Variants in SEMA3B observed in about 807,000 individuals in gnomAD.
The protein encoded by SEMA3B is semaphorin-3B.
A neutral mutation model predicts 77.8 loss-of-function variants in SEMA3B; 71 were observed. The observed-to-expected ratio is 0.91, with a 90% CI of 0.75 to 1.11. SEMA3B has a LOEUF of 1.11. SEMA3B is among the 50% of genes most tolerant of loss of function. The pLI is 0.00. For missense variants in SEMA3B, 968 were observed against 1,056.8 expected, an observed-to-expected ratio of 0.92 and a Z score of 1.17; for synonymous variants, 470 against 452.9, an observed-to-expected ratio of 1.04 and a Z score of -0.48.
Position 50,274,282 on chromosome 3 carries a change from C to A in SEMA3B, c.1138-81C>A. 7.9e-7 allele frequency: 1 copy of A among 1,266,774 alleles called. No homozygotes were observed. Among genetic ancestry groups the A allele is most frequent in the Non-Finnish European group, 1.1e-6 (1 of 918,216 alleles). 78.5% of individuals were successfully genotyped at this position (1,266,774 alleles called of 1,614,324 possible). A position where few individuals can be genotyped will look rare whatever the true frequency, so the allele number is the denominator to read the frequency against. On this transcript the variant is annotated intron_variant, in intron 10 of 16. Coordinates refer to ENST00000616701, the MANE Select transcript of SEMA3B (RefSeq NM_001290060.2). The surrounding 1 kb of genome is among the most constrained non-coding windows in gnomAD (Gnocchi z 4.7). ...TTCTGTCCCCATCCCCCTCCATGTT[C>A]CCAGAGGCTGGGCATGGAGGGCTGC...
chr3:50,271,821 C>G (rs1701063359), intron 6 of SEMA3B, among the ~76,000 whole-genome samples: 1 of 152,146 alleles, frequency 6.6e-6, no homozygotes, highest in South Asian at 2.1e-4. Context: ...AGACAGCTAG[C>G]CAGCAAAATT....
Position 50,275,509 on chromosome 3 carries a change from A to C in SEMA3B, c.1649+50A>C. ...CCGGGAGGGAGGCGAAGGGTCTTTC[A>C]CTGCCCGGGGCTGAAAGAAGGGCTC... On this transcript the variant is annotated intron_variant, in intron 14 of 16. Transcript: ENST00000616701. This position sits in a 1 kb window ranked among gnomAD's most constrained non-coding sequence, Gnocchi z 7.5. 6.2e-7 allele frequency: 1 copy of C among 1,612,632 alleles called. No homozygotes were observed.
chr3:50,270,037 C>T lies in SEMA3B; in HGVS notation c.110-90C>T. On this transcript the variant is annotated intron_variant, in intron 1 of 16. Transcript: ENST00000616701. The surrounding 1 kb of genome is among the most constrained non-coding windows in gnomAD (Gnocchi z 4.7). ...ATGTGTACAGGCCAGGTCCTAATGG[C>T]AACCTTGGCCGATAGAGTCACCACC... The T allele has an allele frequency of 1.4e-6, 2 of 1,383,630 alleles. No individual in the cohort carries two copies. Among genetic ancestry groups the T allele is most frequent in the Non-Finnish European group, 1.9e-6 (2 of 1,046,728 alleles). The allele number at this position is 1,383,630 out of a possible 1,614,324, so 85.7% of individuals were successfully genotyped here.
chr3:50,266,142 G>C (rs782764305), upstream of SEMA3B, among the ~76,000 whole-genome samples: 9 of 152,186 alleles, frequency 5.9e-5, no homozygotes, highest in Non-Finnish European at 1.2e-4. Context: ...AGGGCCTATG[G>C]GGGCACAGTG....
rs1387922253 is a variant in SEMA3B, at chr3:50,273,077, G to A, written c.665-221G>A. The A allele has an allele frequency of 7.9e-6, 5 of 631,932 alleles. No individual in the cohort carries two copies. In the Admixed American group the frequency reaches 1.8e-4, roughly 23 times the overall value. 39.1% of individuals were successfully genotyped at this position (631,932 alleles called of 1,614,324 possible). ...ACGCCTGCGCCCCCAGGTAGCCACGGTCTCTGCTGCCCCCTCGCGGCTGCT... is the reference window on the plus strand; with the variant it reads ...ACGCCTGCGCCCCCAGGTAGCCACGATCTCTGCTGCCCCCTCGCGGCTGCT... On this transcript the variant is annotated intron_variant, in intron 6 of 16. Transcript: ENST00000616701. This position sits in a 1 kb window ranked among gnomAD's most constrained non-coding sequence, Gnocchi z 6.5.
In SEMA3B at chr3:50,269,606, C is replaced by T. The variant is rs587600916; in HGVS notation, c.109+257C>T. ...ACAGCAACAGACCTTGTCTCTGTTCCGTTCAGTACCCCCAACAAGGCGATA... is the reference window on the plus strand; with the variant it reads ...ACAGCAACAGACCTTGTCTCTGTTCTGTTCAGTACCCCCAACAAGGCGATA... On this transcript the variant is annotated intron_variant, in intron 1 of 16. Transcript: ENST00000616701. This position sits in a 1 kb window ranked among gnomAD's most constrained non-coding sequence, Gnocchi z 4.0. Among the ~76,000 whole-genome samples, 7 of 152,306 alleles carry T rather than the reference C, an allele frequency of 4.6e-5. No homozygotes were observed. The highest frequency in any genetic ancestry group is 4.1e-4 in the South Asian group (2 of 4,826).
chr3:50,268,572 A>G (rs1553704796), upstream of SEMA3B, among the ~76,000 whole-genome samples: 1 of 152,220 alleles, frequency 6.6e-6, no homozygotes, highest in African/African-American at 2.4e-5. Context: ...ACATGCACAT[A>G]CACACTACAC....
chr3:50,274,338 G>C lies in SEMA3B; in HGVS notation c.1138-25G>C. 1 of 1,479,660 alleles carries C rather than the reference G, an allele frequency of 6.8e-7. No individual in the cohort carries two copies. Among genetic ancestry groups the C allele is most frequent in the African/African-American group, 1.4e-5 (1 of 70,664 alleles). The allele number at this position is 1,479,660 out of a possible 1,614,324, so 91.7% of individuals were successfully genotyped here. On this transcript the variant is annotated intron_variant, in intron 10 of 16. Coordinates refer to ENST00000616701, the MANE Select transcript of SEMA3B (RefSeq NM_001290060.2). The surrounding 1 kb of genome is among the most constrained non-coding windows in gnomAD (Gnocchi z 4.7). Reference sequence around the variant, plus strand: ...AAGCCCCCATATCTATATCCCTGCTGTGCCTCCCTTTCCCCCACCCCCAGT... The same window carrying C: ...AAGCCCCCATATCTATATCCCTGCTCTGCCTCCCTTTCCCCCACCCCCAGT...
Position 50,271,014 on chromosome 3 carries a change from G to T in SEMA3B, c.450+5G>T, listed in dbSNP as rs1474669975. ...GAAGTGGGCCACCGGGCAGAGGTAA[G>T]GCCGGATCTAGGCAGGGAGGGAGGT... On this transcript the variant is annotated splice_donor_5th_base_variant and intron_variant, in intron 4 of 16. Coordinates refer to ENST00000616701, the MANE Select transcript of SEMA3B (RefSeq NM_001290060.2). 1.9e-6 allele frequency: 3 copies of T among 1,598,286 alleles called. No individual in the cohort carries two copies. The African/African-American group carries it at 4.0e-5, about 21-fold the overall frequency.
chr3:50,268,675 C>T (rs1196051069), upstream of SEMA3B, among the ~76,000 whole-genome samples: 4 of 152,236 alleles, frequency 2.6e-5, no homozygotes, highest in African/African-American at 9.6e-5. Context: ...TGTTTTTCTG[C>T]GGGACTGTGG....
At position 50,276,120 on chromosome 3, in the gene SEMA3B, C is replaced by T; in HGVS notation, c.1846-182C>T. On this transcript the variant is annotated intron_variant, in intron 16 of 16. Coordinates refer to ENST00000616701, the MANE Select transcript of SEMA3B (RefSeq NM_001290060.2). The surrounding 1 kb of genome is among the most constrained non-coding windows in gnomAD (Gnocchi z 5.8). ...AAGTTCATGTAAACCCCGCCTCTTTCGGATTCTCCCTTGAAGACCACCAGC... is the reference window on the plus strand; with the variant it reads ...AAGTTCATGTAAACCCCGCCTCTTTTGGATTCTCCCTTGAAGACCACCAGC... 1 of 873,472 alleles carries T rather than the reference C, an allele frequency of 1.1e-6. No homozygotes were observed. Among genetic ancestry groups the T allele is most frequent in the Non-Finnish European group, 1.6e-6 (1 of 610,090 alleles). The allele number at this position is 873,472 out of a possible 1,614,324, so 54.1% of individuals were successfully genotyped here. A position where few individuals can be genotyped will look rare whatever the true frequency, so the allele number is the denominator to read the frequency against.
upstream of SEMA3B, among the ~76,000 whole-genome samples, chr3:50,265,476 G>A (rs149475714): frequency 1.3e-5 from 2 of 152,338 alleles, no homozygotes; most frequent in Non-Finnish European, 2.9e-5. Flanking sequence ...CAGGGGTGGG[G>A]AGGCAGGTGC....
At chr3:50,272,212 C>T (rs587635794) in intron 6 of SEMA3B, among the ~76,000 whole-genome samples, 2 of 152,250 alleles carry the variant, frequency 1.3e-5, no homozygotes, top group Admixed American at 1.3e-4. Flanking sequence ...TTGGAGGCTG[C>T]AGTGAGCCAT....
chr3:50,272,867 T>A (rs1368578264), intron 6 of SEMA3B, among the ~76,000 whole-genome samples: 2 of 149,474 alleles, frequency 1.3e-5, no homozygotes, highest in Admixed American at 6.8e-5. Flanking sequence ...ATAATAATAA[T>A]AATAATAATA....
chr3:50,261,907 G>A, the SEMA3B span: 1 of 152,292 alleles, frequency 6.6e-6, no homozygotes, highest in Non-Finnish European at 1.5e-5. Flanking sequence ...AGTCAGGGAG[G>A]AGGCAAGGAC....
At chr3:50,268,499 A>G (rs1242385105), upstream of SEMA3B, among the ~76,000 whole-genome samples, 1 of 152,256 alleles carries the variant, frequency 6.6e-6, no homozygotes, top group African/African-American at 2.4e-5. Context: ...GTGTGTGCAC[A>G]CCAACCCATA....
At chr3:50,266,830 A>T (rs587678912), upstream of SEMA3B, 1 of 152,318 alleles carries the variant, frequency 6.6e-6, no homozygotes, top group Non-Finnish European at 1.5e-5. Flanking sequence ...TCCTGTCTGT[A>T]AAACTCCCTC....
At position 50,276,423 on chromosome 3, in the gene SEMA3B, G is replaced by T; in HGVS notation, c.1967G>T (p.Arg656Leu). The change falls in exon 17 of 17, where the codon CGT (arginine) becomes CTT (leucine). Residue 656 changes from arginine to leucine, a missense_variant. Physicochemically the swap from Arg to Leu is moderately radical, Grantham distance 102. Transcript: ENST00000616701. The surrounding 1 kb of genome is among the most constrained non-coding windows in gnomAD (Gnocchi z 5.8). The part of the protein sequence containing the change: ...AVEQGFTQPL[R>L]RLSLHVLSAT... ...GAGCAGGGCTTTACGCAACCGCTGC[G>T]TCGCCTGTCGCTGCACGTGTTGAGT... The T allele has an allele frequency of 1.3e-6, 2 of 1,536,416 alleles. No individual in the cohort carries two copies. The highest frequency in any genetic ancestry group is 1.7e-6 in the Non-Finnish European group (2 of 1,145,842).
Position 50,274,192 on chromosome 3 carries a change from G to T in SEMA3B, c.1137+135G>T, listed in dbSNP as rs2109245704. Reference sequence around the variant, plus strand: ...GGAAAACGTTTCCATCATAAGACAAGGCTTGTTTCCCGCCTCTGACTTCCT... The same window carrying T: ...GGAAAACGTTTCCATCATAAGACAATGCTTGTTTCCCGCCTCTGACTTCCT... On this transcript the variant is annotated intron_variant, in intron 10 of 16. Transcript: ENST00000616701. This position sits in a 1 kb window ranked among gnomAD's most constrained non-coding sequence, Gnocchi z 4.7. 2.1e-6 allele frequency: 3 copies of T among 1,433,282 alleles called. No homozygotes were observed. Among genetic ancestry groups the T allele is most frequent in the Non-Finnish European group, 2.8e-6 (3 of 1,056,572 alleles). The allele number at this position is 1,433,282 out of a possible 1,614,324, so 88.8% of individuals were successfully genotyped here.
Sources: allele counts gnomAD v4.1 joint callset (sites outside exome capture counted in the v4.1 genomes callset), GRCh38; gene constraint gnomAD v4.1.1; non-coding constraint Gnocchi (gnomAD v3.1); transcripts MANE v1.5; gene names NCBI Gene and HGNC (gene_info 2026-07-23, HGNC 2026-07-21).